MGAT4A: variants seen among roughly 807,000 people sequenced by gnomAD.
MGAT4A encodes the protein N-acetylglucosaminyltransferase IVa.
Under a neutral mutation model 74.1 loss-of-function variants are expected in MGAT4A, and 33 were observed. That is an observed-to-expected ratio of 0.45 (90% confidence interval 0.34 to 0.60). The LOEUF is 0.60. Ranked by LOEUF, MGAT4A falls within the 20% of genes least tolerant of loss-of-function variation. The pLI, the probability that MGAT4A is intolerant of heterozygous loss-of-function variation, is 0.02. For synonymous variants in MGAT4A, 198 were observed against 210.4 expected (o/e 0.94, Z 0.51); for missense variants, 479 against 628.3 (o/e 0.76, Z 2.54).
At chr2:98,713,073 G>A (rs1702540107) in intron 2 of MGAT4A, among the ~76,000 whole-genome samples, 1 of 151,638 alleles carries the variant, frequency 6.6e-6, no homozygotes. Context: ...AGAGGTTAAG[G>A]TGGGAGGATT....
intron 2 of MGAT4A, among the ~76,000 whole-genome samples, chr2:98,718,017 A>G (rs1011522689): frequency 2.6e-5 from 4 of 152,246 alleles, no homozygotes; most frequent in Admixed American, 6.5e-5. Context: ...TTATTTACAA[A>G]TAAGAATCAT....
intron 2 of MGAT4A, among the ~76,000 whole-genome samples, chr2:98,695,835 A>G (rs1702265065): frequency 6.6e-6 from 1 of 152,058 alleles, no homozygotes; most frequent in African/African-American, 2.4e-5. Flanking sequence ...TAAATATATG[A>G]AAATGTAGTT....
chr2:98,711,665 T>C (rs1702520655), intron 2 of MGAT4A, among the ~76,000 whole-genome samples: 1 of 152,034 alleles, frequency 6.6e-6, no homozygotes, highest in African/African-American at 2.4e-5. Context: ...AAAAAAGACA[T>C]GTGTTCACAC....
intron 2 of MGAT4A, among the ~76,000 whole-genome samples, chr2:98,692,103 A>G (rs556576502): frequency 5.3e-5 from 8 of 152,244 alleles, no homozygotes; most frequent in Middle Eastern, 3.4e-3. Context: ...ATTAATTATT[A>G]ACATTTTTTG....
At chr2:98,674,436 G>C (rs189089368) in intron 4 of MGAT4A, among the ~76,000 whole-genome samples, 90 of 152,246 alleles carry the variant, frequency 5.9e-4, no homozygotes, top group African/African-American at 1.9e-3. Flanking sequence ...GTGTACTTTG[G>C]TTTCAATAAA....
intron 8 of MGAT4A, among the ~76,000 whole-genome samples, chr2:98,645,913 A>G (rs1701477579): frequency 6.6e-6 from 1 of 152,162 alleles, no homozygotes; most frequent in Non-Finnish European, 1.5e-5. Flanking sequence ...GAAGGAGGAT[A>G]TCAGGATACA....
At position 98,726,364 on chromosome 2, in the gene MGAT4A, TATG is replaced by T. The variant is rs778535126; in HGVS notation, c.-35_-33del. The T allele has an allele frequency of 7.6e-6, 12 of 1,579,386 alleles. No homozygotes were observed. The Admixed American group carries it at 2.0e-4, about 27-fold the overall frequency. ...TCACCATCACACTGGTCCATATGTT[TATG>T]ATGACAACAACCAGGACTGTTTTCT... is the stretch of plus-strand genomic sequence containing the variant. On this transcript the variant is annotated 5_prime_UTR_variant, in exon 2 of 16. Transcript: ENST00000393487.
intron 2 of MGAT4A, among the ~76,000 whole-genome samples, chr2:98,714,502 G>A (rs72825782): frequency 0.053 from 8,137 of 152,230 alleles, 410 homozygotes; most frequent in African/African-American, 0.12. Context: ...TTCAAGAAAC[G>A]CAGGTGGACG....
At chr2:98,680,703 T>A (rs1575266122) in intron 2 of MGAT4A, among the ~76,000 whole-genome samples, 1 of 152,160 alleles carries the variant, frequency 6.6e-6, no homozygotes, top group Non-Finnish European at 1.5e-5. Context: ...TCGATCTGGG[T>A]GTCACTCATG....
At chr2:98,663,549 A>C (rs1313675718) in intron 4 of MGAT4A, 2 of 1,058,148 alleles carry the variant, frequency 1.9e-6, no homozygotes, top group Non-Finnish European at 2.6e-6. Context: ...CATGCCGAGA[A>C]GAGCACAACA....
intron 1 of MGAT4A, among the ~76,000 whole-genome samples, chr2:98,728,026 T>A (rs960109446): frequency 6.6e-6 from 1 of 152,170 alleles, no homozygotes; most frequent in African/African-American, 2.4e-5. Context: ...CCTGGCAATA[T>A]GAAGAGAAGT....
At chr2:98,695,878 C>CTTTT (rs554678618) in intron 2 of MGAT4A, among the ~76,000 whole-genome samples, 1 of 130,436 alleles carries the variant, frequency 7.7e-6, no homozygotes, top group African/African-American at 2.8e-5. Flanking sequence ...CACAGAACTT[C>CTTTT]TTTTTTTTTT....
chr2:98,653,194 C>T (rs1445261857), intron 8 of MGAT4A, among the ~76,000 whole-genome samples: 1 of 141,792 alleles, frequency 7.1e-6, no homozygotes, highest in African/African-American at 2.6e-5. Context: ...TACCAGTAAA[C>T]ATTTACATTA....
intron 1 of MGAT4A, 40 bp from the exon 2 acceptor site, chr2:98,726,607 T>C: frequency 5.1e-6 from 2 of 391,964 alleles, no homozygotes; most frequent in Non-Finnish European, 9.0e-6. Context: ...CATTCGGTAA[T>C]GCAAAATGTA....
At chr2:98,645,307 C>T (rs1447197498) in intron 9 of MGAT4A, 121 bp downstream of exon 9, 1 of 673,994 alleles carries the variant, frequency 1.5e-6, no homozygotes, top group Non-Finnish European at 2.4e-6. Flanking sequence ...CTTAAGTTTT[C>T]TCTAAAACAA....
At chr2:98,656,592 G>T (rs1225043734) in intron 6 of MGAT4A, 127 bp from the exon 7 acceptor site, 5 of 589,226 alleles carry the variant, frequency 8.5e-6, no homozygotes, top group Non-Finnish European at 1.5e-5. Flanking sequence ...TGTTATGGCC[G>T]CAAGGTGTTA....
intron 10 of MGAT4A, among the ~76,000 whole-genome samples, chr2:98,641,206 C>A (rs867828744): frequency 3.3e-5 from 5 of 151,322 alleles, no homozygotes; most frequent in African/African-American, 4.9e-5. Flanking sequence ...CAAAAAAAAT[C>A]AAAAAACACA....
intron 2 of MGAT4A, among the ~76,000 whole-genome samples, chr2:98,716,370 C>T (rs1168819861): frequency 1.3e-5 from 2 of 152,132 alleles, no homozygotes; most frequent in African/African-American, 4.8e-5. Flanking sequence ...GTAATCCTAA[C>T]ACTTTGGGAG....
chr2:98,621,475 A>C lies in MGAT4A; in HGVS notation c.*4091T>G. ...TGAGGTCCTTCTGCTTTGTCTCTTG[A>C]CTTCTGCCACCAGCCCGAGAAAACT... On this transcript the variant is annotated 3_prime_UTR_variant, in exon 16 of 16. Transcript: ENST00000393487. 1 of 1,551,550 alleles carries C rather than the reference A, an allele frequency of 6.4e-7. No homozygotes were observed.
Sources: allele counts gnomAD v4.1 joint callset (sites outside exome capture counted in the v4.1 genomes callset), GRCh38; gene constraint gnomAD v4.1.1; transcripts MANE v1.5; gene names NCBI Gene and HGNC (gene_info 2026-07-23, HGNC 2026-07-21).